The following ACSM5 variants were observed in gnomAD, a reference collection of about 807,000 sequenced individuals.
ACSM5 encodes the protein acyl-CoA synthetase medium chain family member 5, also known as acyl-coenzyme A synthetase ACSM5, mitochondrial.
In ACSM5, 56 loss-of-function variants were observed where a neutral mutation model predicts 71.6. That is an observed-to-expected ratio of 0.78 (90% CI 0.63 to 0.98). The LOEUF is 0.98. ACSM5 is among the 50% of genes least tolerant of loss of function. The pLI is 0.00. For missense variants in ACSM5, 723 were observed against 726.0 expected, an observed-to-expected ratio of 1.00 and a Z score of 0.05; for synonymous variants, 285 against 281.5, an observed-to-expected ratio of 1.01 and a Z score of -0.12.
intron 4 of ACSM5, among the ~76,000 whole-genome samples, chr16:20,420,053 G>A (rs1167898628): frequency 6.6e-6 from 1 of 152,216 alleles, no homozygotes; most frequent in African/African-American, 2.4e-5. Context: ...GGGCAGAGCC[G>A]AGAGCAGATG....
In ACSM5 at chr16:20,421,267, T is replaced by C. The variant is rs143355495; in HGVS notation, c.633T>C (p.Ser211=). The C allele has an allele frequency of 1.6e-5, 25 of 1,589,908 alleles. No homozygotes were observed. The highest frequency in any genetic ancestry group is 1.9e-5 in the Non-Finnish European group (22 of 1,164,652). The part of the protein sequence containing the change: ...LNFRELLREA[S]TEHNCMRTKS... ...TATTTACGTTTTACAGGGAGGCTTC[T>C]ACAGAGCACAACTGCATGAGGACAA... The change falls in exon 5 of 14, where the codon TCT becomes TCC. Residue 211 remains serine (S), a synonymous_variant. Transcript: ENST00000331849.
At chr16:20,433,592 A>G (rs529691814) in intron 10 of ACSM5, among the ~76,000 whole-genome samples, 70 of 152,212 alleles carry the variant, frequency 4.6e-4, no homozygotes, top group Non-Finnish European at 8.4e-4. Context: ...GAAAAAGAAG[A>G]GAGAAAAAAT....
In ACSM5 at chr16:20,418,219, T is replaced by A. The variant is rs1408827535; in HGVS notation, c.365T>A (p.Leu122His). The A allele has an allele frequency of 6.2e-7, 1 of 1,612,394 alleles. No individual in the cohort carries two copies. The highest frequency in any genetic ancestry group is 1.1e-5 in the South Asian group (1 of 90,998). The change falls in exon 3 of 14, where the codon CTC becomes CAC. Residue 122 changes from leucine (L) to histidine (H), a missense_variant. Transcript: ENST00000331849. ...LQPGDRMMLV[L>H]PRLPEWWLVS... ...CCTGGGGACAGAATGATGCTGGTAC[T>A]CCCACGGCTCCCGGAGTGGTGGCTG...
At chr16:20,427,947 C>G in intron 7 of ACSM5, 80 bp downstream of exon 7, 1 of 984,334 alleles carries the variant, frequency 1.0e-6, no homozygotes, top group Non-Finnish European at 1.6e-6. Context: ...CAACTACCCT[C>G]TCATTCCAAC....
chr16:20,422,239 A>G (rs9921631), intron 5 of ACSM5, among the ~76,000 whole-genome samples: 19,637 of 151,910 alleles, frequency 0.13, 2,046 homozygotes, highest in African/African-American at 0.29. Context: ...AGCCTCCCAG[A>G]TAGCTGGGGT....
At chr16:20,433,840 AT>A (rs61417020) in intron 10 of ACSM5, among the ~76,000 whole-genome samples, 21,928 of 137,078 alleles carry the variant, frequency 0.16, 3,082 homozygotes, top group African/African-American at 0.4. Flanking sequence ...CACCTGGCTA[AT>A]TTTTTTTTTT....
chr16:20,418,067 C>A lies in ACSM5; in HGVS notation c.213C>A (p.His71Gln). 6.2e-7 allele frequency: 1 copy of A among 1,613,600 alleles called. No individual in the cohort carries two copies. The highest frequency in any genetic ancestry group is 8.5e-7 in the Non-Finnish European group (1 of 1,179,900). Reference protein sequence around the residue: ...DVWSRLEEAGHRPPNPAFWWV... With the variant: ...DVWSRLEEAGQRPPNPAFWWV... ...CCTGTACCACCATCTAGGCTGGACA[C>A]CGCCCCCCAAATCCTGCCTTCTGGT... The change falls in exon 3 of 14, where the codon CAC becomes CAA. Residue 71 changes from histidine (H) to glutamine (Q), a missense_variant. Physicochemically the swap from His to Gln is conservative, Grantham distance 24 (BLOSUM62 0). Coordinates refer to ENST00000331849, the MANE Select transcript of ACSM5 (RefSeq NM_017888.3).
intron 12 of ACSM5, among the ~76,000 whole-genome samples, chr16:20,437,925 T>G (rs1435689482): frequency 2.2e-5 from 3 of 138,658 alleles, no homozygotes; most frequent in Non-Finnish European, 4.6e-5. Flanking sequence ...CAGGTTCAAG[T>G]GATCTTCCTG....
At chr16:20,418,515 G>A (rs558100418) in intron 3 of ACSM5, among the ~76,000 whole-genome samples, 4 of 152,304 alleles carry the variant, frequency 2.6e-5, no homozygotes, top group African/African-American at 9.6e-5. Flanking sequence ...GAGATCACAT[G>A]CTTTATCAAA....
At chr16:20,421,102 A>T (rs1966876692) in intron 4 of ACSM5, 156 bp from the exon 5 acceptor site, 2 of 839,268 alleles carry the variant, frequency 2.4e-6, no homozygotes, top group African/African-American at 1.7e-5. Context: ...TACCTACCCC[A>T]TGAGGTGGTT....
chr16:20,420,829 T>C (rs1446245637), intron 4 of ACSM5, among the ~76,000 whole-genome samples: 1 of 152,168 alleles, frequency 6.6e-6, no homozygotes, highest in Non-Finnish European at 1.5e-5. Context: ...GATTAGCTGA[T>C]CATCCAGATC....
At chr16:20,427,606 C>A (rs1967008825) in intron 6 of ACSM5, among the ~76,000 whole-genome samples, 182 bp from the exon 7 acceptor site, 1 of 152,232 alleles carries the variant, frequency 6.6e-6, no homozygotes, top group African/African-American at 2.4e-5. Flanking sequence ...GAGAGGGGAT[C>A]CTCCAAAGGT....
Position 20,439,802 on chromosome 16 carries a change from G to A in ACSM5, c.1539G>A (p.Val513=). 6.3e-7 allele frequency: 1 copy of A among 1,590,330 alleles called. No individual in the cohort carries two copies. Among genetic ancestry groups the A allele is most frequent in the Non-Finnish European group, 8.6e-7 (1 of 1,159,530 alleles). The part of the protein sequence containing the change: ...VSSPDPIRGE[V]VKAFIVLTPA... ...CTGGGTATTTTGTTTTCCTGCAGGT[G>A]GTAAAGGCATTTATAGTCCTTACTC... Residue 513 remains valine (V), a splice_region_variant and synonymous_variant, in exon 13 of 14, where the codon GTG becomes GTA. Coordinates refer to ENST00000331849, the MANE Select transcript of ACSM5 (RefSeq NM_017888.3).
intron 3 of ACSM5, among the ~76,000 whole-genome samples, chr16:20,418,564 C>T (rs1006249283): frequency 2.0e-5 from 3 of 152,230 alleles, no homozygotes; most frequent in Non-Finnish European, 2.9e-5. Context: ...AATGTTCCCA[C>T]GACAGAATGA....
intron 13 of ACSM5, 139 bp from the exon 14 acceptor site, chr16:20,440,205 G>C: frequency 1.4e-6 from 1 of 693,966 alleles, no homozygotes; most frequent in Non-Finnish European, 2.5e-6. Context: ...CAGCTGTTTT[G>C]CTTCTGGCCA....
Position 20,431,227 on chromosome 16 carries a change from A to G in ACSM5, c.1214A>G (p.Asp405Gly). 2 of 1,614,064 alleles carry G rather than the reference A, an allele frequency of 1.2e-6. No homozygotes were observed. Among genetic ancestry groups the G allele is most frequent in the Non-Finnish European group, 1.7e-6 (2 of 1,179,926 alleles). Residue 405 changes from aspartate to glycine, a missense_variant, in exon 10 of 14, where the codon GAT becomes GGT. Asp to Gly is a moderately conservative substitution (Grantham distance 94). Coordinates refer to ENST00000331849, the MANE Select transcript of ACSM5 (RefSeq NM_017888.3). ...TGATGATTTCCTTACCAGATTGTGG[A>G]TGATGAGGGCAACGTCCTGCCTCCT... Reference protein sequence around the residue: ...ASPPYDVQIVDDEGNVLPPGE... With the variant: ...ASPPYDVQIVGDEGNVLPPGE...
chr16:20,411,899 G>A, intron 2 of ACSM5: 1 of 579,240 alleles, frequency 1.7e-6, no homozygotes, highest in Non-Finnish European at 3.1e-6. Context: ...CTTCTCTGAA[G>A]TGTCCTGCAT....
chr16:20,427,455 C>T (rs1294582932), intron 6 of ACSM5, among the ~76,000 whole-genome samples: 1 of 152,180 alleles, frequency 6.6e-6, no homozygotes, highest in Non-Finnish European at 1.5e-5. Flanking sequence ...TTGCTTCCCC[C>T]AGAACAAGGG....
chr16:20,421,860 C>A (rs1041521782), intron 5 of ACSM5, among the ~76,000 whole-genome samples: 1 of 151,424 alleles, frequency 6.6e-6, no homozygotes, highest in Non-Finnish European at 1.5e-5. Context: ...AATAACACCC[C>A]ATTACCCTCT....
Sources: allele counts gnomAD v4.1 joint callset (sites outside exome capture counted in the v4.1 genomes callset), GRCh38; gene constraint gnomAD v4.1.1; transcripts MANE v1.5; gene names NCBI Gene and HGNC (gene_info 2026-07-23, HGNC 2026-07-21).